NDUFA9: variants seen among roughly 807,000 people sequenced by gnomAD.
The protein encoded by NDUFA9 is NADH:ubiquinone oxidoreductase subunit A9.
In NDUFA9, 23 loss-of-function variants were observed where a neutral mutation model predicts 45.9. The ratio of observed to expected loss-of-function variants is 0.50; its 90% CI spans 0.36 to 0.71. NDUFA9 has a LOEUF of 0.71. Ranked by LOEUF, NDUFA9 falls within the 30% of genes least tolerant of loss-of-function variation. NDUFA9 has a pLI of 0.00. For synonymous variants in NDUFA9, 176 were observed against 170.5 expected (o/e 1.03, Z -0.25); for missense variants, 466 against 488.2 (o/e 0.95, Z 0.43).
chr12:4,663,159 G>T (rs749319889), intron 6 of NDUFA9, among the ~76,000 whole-genome samples: 1 of 151,962 alleles, frequency 6.6e-6, no homozygotes, highest in Non-Finnish European at 1.5e-5. Flanking sequence ...TAGCTTGATA[G>T]CTCATTTCTT....
chr12:4,653,893 CTTT>C (rs539619480), intron 1 of NDUFA9, among the ~76,000 whole-genome samples: 1 of 149,298 alleles, frequency 6.7e-6, no homozygotes, highest in Non-Finnish European at 1.5e-5. Context: ...TCTGTCCTTT[CTTT>C]TTTTTTTCCT....
chr12:4,657,790 C>A lies in NDUFA9; in HGVS notation c.361C>A (p.Gln121Lys). 2.5e-6 allele frequency: 4 copies of A among 1,613,744 alleles called. No individual in the cohort carries two copies. Among genetic ancestry groups the A allele is most frequent in the Non-Finnish European group, 3.4e-6 (4 of 1,179,728 alleles). Residue 121 changes from glutamine (Q) to lysine (K), a missense_variant, in exon 4 of 11, where the codon CAA becomes AAA. Gln to Lys is a moderately conservative substitution (Grantham distance 53, BLOSUM62 1). Coordinates refer to ENST00000266544, the MANE Select transcript of NDUFA9 (RefSeq NM_005002.5). ...TAAAGATTCTATCCGACGAGTAGTA[C>A]AACACAGCAATGTGGTCATCAATCT... The part of the protein sequence containing the change: ...RDKDSIRRVV[Q>K]HSNVVINLIG...
intron 8 of NDUFA9, among the ~76,000 whole-genome samples, chr12:4,679,237 G>T (rs1945938776): frequency 6.6e-6 from 1 of 152,162 alleles, no homozygotes; most frequent in Non-Finnish European, 1.5e-5. Flanking sequence ...GTGATTGCCT[G>T]AGCCTGGGAG....
At chr12:4,673,047 C>A (rs1945896952) in intron 8 of NDUFA9, among the ~76,000 whole-genome samples, 1 of 152,220 alleles carries the variant, frequency 6.6e-6, no homozygotes, top group Admixed American at 6.5e-5. Context: ...AGGCAACAAT[C>A]TTTGCTGTTC....
In NDUFA9 at chr12:4,687,103, A is replaced by AT; in HGVS notation, c.1132dup (p.Ter378LeufsTer20). 1 of 1,614,112 alleles carries AT rather than the reference A, an allele frequency of 6.2e-7. No individual in the cohort carries two copies. The highest frequency in any genetic ancestry group is 8.5e-7 in the Non-Finnish European group (1 of 1,180,026). ...TGTGAAGCCGGCCAAGACCGTCAAC[A>AT]TTTAGTGCCTCCTGAGCAGCTCTTG... On this transcript the variant is annotated frameshift_variant, in exon 11 of 11. Transcript: ENST00000266544. LOFTEE classifies it high-confidence loss of function.
At chr12:4,685,032 G>A in intron 9 of NDUFA9, 1 of 640,396 alleles carries the variant, frequency 1.6e-6, no homozygotes, top group Non-Finnish European at 2.8e-6. Flanking sequence ...TTCTTTGGAG[G>A]AGAACAAAGT....
intron 5 of NDUFA9, among the ~76,000 whole-genome samples, chr12:4,660,210 C>G (rs1230343942): frequency 1.3e-5 from 2 of 152,172 alleles, no homozygotes; most frequent in Non-Finnish European, 2.9e-5. Flanking sequence ...ACTGAGGGAG[C>G]TTTTAAAAAT....
At chr12:4,651,523 G>A (rs757656682) in intron 1 of NDUFA9, among the ~76,000 whole-genome samples, 2 of 151,956 alleles carry the variant, frequency 1.3e-5, no homozygotes, top group African/African-American at 4.8e-5. Flanking sequence ...AAAAACAATA[G>A]CCATGTGAGG....
intron 1 of NDUFA9, chr12:4,653,700 G>T: frequency 1.6e-5 from 6 of 372,240 alleles, no homozygotes; most frequent in South Asian, 4.1e-5. Flanking sequence ...CTATTGAACT[G>T]CATTCTTTTT....
At position 4,671,868 on chromosome 12, in the gene NDUFA9, G is replaced by A. The variant is rs150966384; in HGVS notation, c.800+2051G>A. Among the ~76,000 whole-genome samples, 79 of 152,170 alleles carry A rather than the reference G, an allele frequency of 5.2e-4. No individual in the cohort carries two copies. The East Asian group carries it at 8.9e-3, about 17-fold the overall frequency. ...CCACATTAAAAAAAAGATGAACTTC[G>A]ACTCCTACCTTGCTCTGTACATGAA... On this transcript the variant is annotated intron_variant, in intron 8 of 10. Coordinates refer to ENST00000266544, the MANE Select transcript of NDUFA9 (RefSeq NM_005002.5).
intron 9 of NDUFA9, among the ~76,000 whole-genome samples, chr12:4,683,038 C>G (rs1945963137): frequency 6.6e-6 from 1 of 152,108 alleles, no homozygotes; most frequent in African/African-American, 2.4e-5. Flanking sequence ...TGTGCCACTG[C>G]ACTCCAGCCT....
At chr12:4,669,629 C>A in intron 7 of NDUFA9, 112 bp from the exon 8 acceptor site, 7 of 663,542 alleles carry the variant, frequency 1.1e-5, no homozygotes, top group South Asian at 2.1e-5. Context: ...TTCCTCCTTT[C>A]TCCTTCCTTC....
At chr12:4,668,659 A>G in intron 7 of NDUFA9, 135 bp downstream of exon 7, 1 of 769,494 alleles carries the variant, frequency 1.3e-6, no homozygotes, top group East Asian at 2.6e-5. Flanking sequence ...GCTGCCTCTT[A>G]GTTTACTTAA....
intron 8 of NDUFA9, among the ~76,000 whole-genome samples, chr12:4,679,372 A>C (rs965709143): frequency 2.0e-5 from 3 of 152,224 alleles, no homozygotes; most frequent in African/African-American, 7.2e-5. Context: ...TTATATGCTT[A>C]AAATGGATGA....
At chr12:4,656,479 G>A (rs984160996) in intron 3 of NDUFA9, among the ~76,000 whole-genome samples, 10 of 152,332 alleles carry the variant, frequency 6.6e-5, no homozygotes, top group African/African-American at 2.4e-4. Context: ...CTCTGAGCAC[G>A]TTTGGATGAC....
chr12:4,661,582 G>C (rs2098090), intron 5 of NDUFA9, among the ~76,000 whole-genome samples: 5,374 of 151,846 alleles, frequency 0.035, 124 homozygotes, highest in East Asian at 0.11. Context: ...AAGGACAAAG[G>C]GACAAGGTAG....
chr12:4,675,954 T>C (rs1190688485), intron 8 of NDUFA9, among the ~76,000 whole-genome samples: 2 of 152,150 alleles, frequency 1.3e-5, no homozygotes, highest in Non-Finnish European at 2.9e-5. Flanking sequence ...CACGATAAAG[T>C]TGGCTTCATC....
In NDUFA9 at chr12:4,659,093, C is replaced by G. The variant is rs772963759; in HGVS notation, c.468C>G (p.Ser156=). The G allele has an allele frequency of 5.6e-6, 9 of 1,612,170 alleles. No individual in the cohort carries two copies. The highest frequency in any genetic ancestry group is 1.6e-4 in the Middle Eastern group (1 of 6,064). The change falls in exon 5 of 11, where the codon TCC becomes TCG. Residue 156 remains serine (S), a synonymous_variant. Coordinates refer to ENST00000266544, the MANE Select transcript of NDUFA9 (RefSeq NM_005002.5). ...VKIPQAIAQL[S]KEAGVEKFIH... ...TTCCCCAAGCAATTGCTCAACTGTCCAAGGAAGCTGGAGTTGAAAAATTCA... is the reference window on the plus strand; with the variant it reads ...TTCCCCAAGCAATTGCTCAACTGTCGAAGGAAGCTGGAGTTGAAAAATTCA...
At position 4,659,095 on chromosome 12, in the gene NDUFA9, A is replaced by G. The variant is rs1945808321; in HGVS notation, c.470A>G (p.Lys157Arg). ...KIPQAIAQLS[K>R]EAGVEKFIHV... is the part of the protein sequence containing the mutation. ...CCCCAAGCAATTGCTCAACTGTCCA[A>G]GGAAGCTGGAGTTGAAAAATTCATT... The change falls in exon 5 of 11, where the codon AAG becomes AGG. Residue 157 changes from lysine (K) to arginine (R), a missense_variant. Physicochemically the swap from Lys to Arg is conservative, Grantham distance 26 (BLOSUM62 2). Coordinates refer to ENST00000266544, the MANE Select transcript of NDUFA9 (RefSeq NM_005002.5). The G allele has an allele frequency of 6.2e-7, 1 of 1,612,320 alleles. No homozygotes were observed. The highest frequency in any genetic ancestry group is 8.5e-7 in the Non-Finnish European group (1 of 1,178,550).
Sources: allele counts gnomAD v4.1 joint callset (sites outside exome capture counted in the v4.1 genomes callset), GRCh38; gene constraint gnomAD v4.1.1; transcripts MANE v1.5; gene names NCBI Gene and HGNC (gene_info 2026-07-23, HGNC 2026-07-21).